Variants in ALK observed in about 807,000 individuals in gnomAD.
ALK encodes ALK tyrosine kinase receptor.
In ALK, 74 loss-of-function variants were observed where a neutral mutation model predicts 163.1. The ratio of observed to expected loss-of-function variants is 0.45; its 90% CI spans 0.38 to 0.55. The LOEUF (loss-of-function observed/expected upper bound fraction) is 0.55, where lower values mean the gene tolerates loss of function less well. Among genes scored for constraint, ALK ranks in the 20% least tolerant of loss-of-function variants. The pLI, the probability that ALK is intolerant of heterozygous loss-of-function variation, is 0.00. For synonymous variants in ALK, 960 were observed against 843.2 expected, an observed-to-expected ratio of 1.14 and a Z score of -2.40; for missense variants, 2,063 against 2,105.3, an observed-to-expected ratio of 0.98 and a Z score of 0.39.
At chr2:29,282,730 G>T (rs1665747235) in intron 9 of ALK, among the ~76,000 whole-genome samples, 2 of 152,172 alleles carry the variant, frequency 1.3e-5, no homozygotes, top group South Asian at 4.1e-4. Context: ...AGCCCTTCTA[G>T]AAATAAGAGA....
chr2:29,714,897 C>T (rs1247338426), intron 2 of ALK, among the ~76,000 whole-genome samples: 1 of 152,186 alleles, frequency 6.6e-6, no homozygotes, highest in Non-Finnish European at 1.5e-5. Flanking sequence ...GGGGACCAGA[C>T]TCTTGGCCTT....
chr2:29,291,019 A>G (rs905958233), intron 9 of ALK, among the ~76,000 whole-genome samples: 1 of 152,182 alleles, frequency 6.6e-6, no homozygotes, highest in African/African-American at 2.4e-5. Flanking sequence ...TGTGAAATGG[A>G]TAAGAGATGT....
intron 4 of ALK, among the ~76,000 whole-genome samples, chr2:29,531,078 G>A (rs1009622200): frequency 2.0e-5 from 3 of 152,166 alleles, no homozygotes; most frequent in East Asian, 1.9e-4. Flanking sequence ...AACAGTTATC[G>A]TTCAGGTGGG....
chr2:29,314,927 C>T (rs1275426711), intron 8 of ALK, among the ~76,000 whole-genome samples: 3 of 152,056 alleles, frequency 2.0e-5, no homozygotes, highest in Non-Finnish European at 4.4e-5. Context: ...GTCTCAAAGC[C>T]GAGGCGGATT....
At chr2:29,294,512 T>C (rs1666125925) in intron 9 of ALK, among the ~76,000 whole-genome samples, 1 of 152,200 alleles carries the variant, frequency 6.6e-6, no homozygotes, top group African/African-American at 2.4e-5. Flanking sequence ...ACTTTACTTC[T>C]CCAAACCTAA....
At chr2:29,851,942 A>G (rs2148401329) in intron 1 of ALK, among the ~76,000 whole-genome samples, 1 of 152,372 alleles carries the variant, frequency 6.6e-6, no homozygotes, top group East Asian at 1.9e-4. Context: ...GAAGGTCAGC[A>G]GCAGTAAGTA....
intron 3 of ALK, among the ~76,000 whole-genome samples, chr2:29,575,990 C>T (rs914818723): frequency 6.6e-6 from 1 of 152,104 alleles, no homozygotes; most frequent in African/African-American, 2.4e-5. Context: ...CCTGAGCCTC[C>T]CAGTTAAGAT....
chr2:29,671,880 T>A (rs1395733044), intron 3 of ALK, among the ~76,000 whole-genome samples: 1 of 152,014 alleles, frequency 6.6e-6, no homozygotes. Flanking sequence ...AGAAAGCAAA[T>A]AGCATTTTTA....
chr2:29,697,849 G>A lies in ALK; in HGVS notation c.788-2835C>T, dbSNP rs73921161. Among the ~76,000 whole-genome samples, 15 of 152,312 alleles carry A rather than the reference G, an allele frequency of 9.8e-5. 2 individuals are homozygous for A. The South Asian group carries it at 2.9e-3, about 30-fold the overall frequency. On this transcript the variant is annotated intron_variant, in intron 2 of 28. Transcript: ENST00000389048. ...GGTGTTGGAAATTTCAGAATACAGT[G>A]GGGGCAGATTCTAAGGCAGGCAGCC... is the stretch of plus-strand genomic sequence containing the variant.
rs775768862 is a variant in ALK at position 29,220,706 on chromosome 2, C to T, written c.3645G>A (p.Pro1215=). The change falls in exon 23 of 29, where the codon CCG becomes CCA. Residue 1215 remains proline (P), a splice_region_variant and synonymous_variant. Transcript: ENST00000389048. The part of the protein sequence containing the change: ...KSFLRETRPR[P]SQPSSLAMLD... ...GCAGCAAAGACTGGTTCTCACTCACCGGGCGAGGGCGGGTCTCTCGGAGGA... is the reference window on the plus strand; with the variant it reads ...GCAGCAAAGACTGGTTCTCACTCACTGGGCGAGGGCGGGTCTCTCGGAGGA... The T allele has an allele frequency of 4.5e-5, 72 of 1,613,392 alleles. No individual in the cohort carries two copies. Among genetic ancestry groups the T allele is most frequent in the Non-Finnish European group, 5.7e-5 (67 of 1,179,640 alleles).
intron 28 of ALK, 147 bp downstream of exon 28, chr2:29,196,622 AT>A (rs2148141356): frequency 1.4e-6 from 1 of 710,470 alleles, no homozygotes; most frequent in East Asian, 2.6e-5. Flanking sequence ...GACACCAGTC[AT>A]TTCATTTTAG....
intron 3 of ALK, among the ~76,000 whole-genome samples, chr2:29,563,982 C>T (rs1674102786): frequency 6.6e-6 from 1 of 152,140 alleles, no homozygotes; most frequent in Non-Finnish European, 1.5e-5. Context: ...CTCCTTTTTC[C>T]CCCTTCCCAA....
chr2:29,223,051 G>C (rs1669850525), intron 20 of ALK, among the ~76,000 whole-genome samples: 1 of 152,122 alleles, frequency 6.6e-6, no homozygotes, highest in Non-Finnish European at 1.5e-5. Flanking sequence ...TTGCTCCCCT[G>C]CTCCCCTGGA....
At chr2:29,784,583 C>G (rs1196543789) in intron 1 of ALK, among the ~76,000 whole-genome samples, 2 of 152,080 alleles carry the variant, frequency 1.3e-5, no homozygotes, top group Non-Finnish European at 2.9e-5. Flanking sequence ...GTAATCCCAG[C>G]TACTTGGGAG....
chr2:29,402,870 CCCT>C (rs796903814), intron 4 of ALK, among the ~76,000 whole-genome samples: 2 of 152,140 alleles, frequency 1.3e-5, no homozygotes, highest in East Asian at 3.9e-4. Flanking sequence ...CACCACAAAT[CCCT>C]CCTCCTCCCT....
chr2:29,374,082 T>C (rs969557518), intron 5 of ALK, among the ~76,000 whole-genome samples: 6 of 152,148 alleles, frequency 3.9e-5, no homozygotes, highest in Non-Finnish European at 5.9e-5. Flanking sequence ...AAAAGGCAGA[T>C]GTGAACCTGT....
chr2:29,508,250 C>T (rs116327474), intron 4 of ALK, among the ~76,000 whole-genome samples: 2,579 of 152,262 alleles, frequency 0.017, 67 homozygotes, highest in African/African-American at 0.058. Flanking sequence ...GGACACCCAA[C>T]GCATTTCCTT....
chr2:29,232,740 C>T (rs1664251536), intron 14 of ALK, among the ~76,000 whole-genome samples: 1 of 152,226 alleles, frequency 6.6e-6, no homozygotes, highest in African/African-American at 2.4e-5. Context: ...TCCTCTACTT[C>T]CTCTAGCCCC....
intron 3 of ALK, among the ~76,000 whole-genome samples, chr2:29,689,216 G>A (rs1395901221): frequency 6.6e-6 from 1 of 152,186 alleles, no homozygotes; most frequent in Non-Finnish European, 1.5e-5. Context: ...GATGAAGGAG[G>A]AAATGCTGGG....
Sources: gnomAD v4.1 joint callset for allele counts (sites outside exome capture counted in the v4.1 genomes callset) on GRCh38, gnomAD v4.1.1 for gene constraint, MANE v1.5 for transcripts, NCBI Gene and HGNC (gene_info 2026-07-23, HGNC 2026-07-21) for gene names.